The following MARCHF1 variants were observed in gnomAD, a reference collection of about 807,000 sequenced individuals.
MARCHF1 encodes E3 ubiquitin-protein ligase MARCHF1.
MARCHF1 carries 40 observed loss-of-function variants against 54.2 expected under a neutral mutation model. That is an observed-to-expected ratio of 0.74 (90% CI 0.57 to 0.96). The LOEUF (loss-of-function observed/expected upper bound fraction) is 0.96. Ranked by LOEUF, MARCHF1 falls within the 40% of genes least tolerant of loss-of-function variation. The probability of loss-of-function intolerance (pLI) is 0.00; values close to 1 mark genes in which losing one functional copy is unlikely to be tolerated. For synonymous variants in MARCHF1, 236 were observed against 236.3 expected (o/e 1.00, Z 0.01); for missense variants, 586 against 656.5 (o/e 0.89, Z 1.17).
At chr4:164,084,383 T>C (rs1256582739) in intron 2 of MARCHF1, among the ~76,000 whole-genome samples, 1 of 151,916 alleles carries the variant, frequency 6.6e-6, no homozygotes, top group Non-Finnish European at 1.5e-5. Context: ...TAAATAGAAT[T>C]GCATTTTCAT....
chr4:163,724,791 G>A (rs922198220), intron 4 of MARCHF1, among the ~76,000 whole-genome samples: 5 of 152,158 alleles, frequency 3.3e-5, no homozygotes, highest in African/African-American at 1.2e-4. Flanking sequence ...ATCCGCGGGC[G>A]TGGGACCCTC....
intron 1 of MARCHF1, among the ~76,000 whole-genome samples, chr4:164,206,934 TA>T (rs1431467579): frequency 6.6e-6 from 1 of 152,018 alleles, no homozygotes; most frequent in African/African-American, 2.4e-5. Context: ...ATGATAATAC[TA>T]AAAAAATTGT....
chr4:164,101,012 G>T (rs531193217), intron 2 of MARCHF1, among the ~76,000 whole-genome samples: 1 of 152,324 alleles, frequency 6.6e-6, no homozygotes, highest in South Asian at 2.1e-4. Context: ...GACTGCACCT[G>T]GAAAATCAGG....
At chr4:164,002,863 C>A (rs1259625052) in intron 2 of MARCHF1, among the ~76,000 whole-genome samples, 2 of 151,792 alleles carry the variant, frequency 1.3e-5, no homozygotes, top group Non-Finnish European at 2.9e-5. Context: ...AAGAATCCTA[C>A]CAACTTATCT....
intron 5 of MARCHF1, among the ~76,000 whole-genome samples, chr4:163,629,127 G>A (rs1183532842): frequency 1.3e-5 from 2 of 152,106 alleles, no homozygotes; most frequent in African/African-American, 2.4e-5. Context: ...GAACAAAGCT[G>A]GAGGCATCAT....
rs187017104 is a variant in MARCHF1 at position 164,130,408 on chromosome 4, G to T, written c.-322-18746C>A. ...TTCTGAAGAAAGGACAGATTATTCA[G>T]AAAGCAGTTTACTGTTCCCTTTTTC... On this transcript the variant is annotated intron_variant, in intron 1 of 9. Transcript: ENST00000514618. 9.7e-4 allele frequency among the ~76,000 whole-genome samples: 148 copies of T among 152,228 alleles called. 3 individuals carry two copies. In the East Asian group the frequency reaches 0.026, roughly 27 times the overall value.
intron 3 of MARCHF1, among the ~76,000 whole-genome samples, chr4:163,881,476 GA>G (rs58279371): frequency 0.21 from 30,550 of 147,632 alleles, 3,297 homozygotes; most frequent in South Asian, 0.31. Flanking sequence ...CATCTCAAAA[GA>G]AAAAAAAAAA....
chr4:164,214,976 C>G (rs1300750129), intron 1 of MARCHF1, among the ~76,000 whole-genome samples: 1 of 152,150 alleles, frequency 6.6e-6, no homozygotes, highest in Non-Finnish European at 1.5e-5. Context: ...TCTGACCCCA[C>G]GGCAGTGTCT....
intron 1 of MARCHF1, among the ~76,000 whole-genome samples, chr4:164,206,300 G>A (rs965153505): frequency 1.3e-5 from 2 of 152,066 alleles, no homozygotes; most frequent in African/African-American, 4.8e-5. Flanking sequence ...AGCCGGGCAC[G>A]ATAGCAGTTG....
chr4:164,012,868 C>T (rs1753453380), intron 2 of MARCHF1, among the ~76,000 whole-genome samples: 1 of 152,170 alleles, frequency 6.6e-6, no homozygotes. Flanking sequence ...TGACCACAGG[C>T]TTTGGTCACA....
chr4:163,550,425 A>G (rs1269540196), intron 8 of MARCHF1, among the ~76,000 whole-genome samples: 3 of 151,918 alleles, frequency 2.0e-5, no homozygotes, highest in Non-Finnish European at 2.9e-5. Context: ...CACGTGACCT[A>G]GAGTTTTCAA....
chr4:163,709,115 G>A (rs892713922), intron 4 of MARCHF1, among the ~76,000 whole-genome samples: 2 of 152,130 alleles, frequency 1.3e-5, no homozygotes, highest in Non-Finnish European at 2.9e-5. Context: ...CATATTTACA[G>A]ATGTATGTTT....
intron 1 of MARCHF1, among the ~76,000 whole-genome samples, chr4:164,137,020 C>A (rs941346125): frequency 3.3e-5 from 5 of 152,048 alleles, no homozygotes; most frequent in Non-Finnish European, 7.4e-5. Context: ...TTTTGTTAGG[C>A]CCCAAAGGAT....
chr4:164,305,138 T>C (rs72989598), intron 1 of MARCHF1, among the ~76,000 whole-genome samples: 14,009 of 152,128 alleles, frequency 0.092, 1,554 homozygotes, highest in African/African-American at 0.26. Context: ...TCAGACACCA[T>C]ACTAGTACTG....
chr4:164,268,231 G>A lies in MARCHF1; in HGVS notation c.-323+115639C>T, dbSNP rs550172044. ...TTAAGGAATCAAAACTATGAGTAAA[G>A]ACCAAGACAATTGTGCTGGATGGCC... On this transcript the variant is annotated intron_variant, in intron 1 of 9. Transcript: ENST00000514618. Among the ~76,000 whole-genome samples, 316 of 152,174 alleles carry A rather than the reference G, an allele frequency of 2.1e-3. 1 individual carries two copies. Among genetic ancestry groups the A allele is most frequent in the African/African-American group, 7.2e-3 (298 of 41,512 alleles).
chr4:164,100,521 T>A (rs1158729171), intron 2 of MARCHF1, among the ~76,000 whole-genome samples: 1 of 152,240 alleles, frequency 6.6e-6, no homozygotes, highest in African/African-American at 2.4e-5. Flanking sequence ...TAAATAAGAA[T>A]ATGTGTTGCC....
intron 4 of MARCHF1, among the ~76,000 whole-genome samples, chr4:163,816,593 C>T (rs572917558): frequency 5.9e-5 from 9 of 152,042 alleles, no homozygotes; most frequent in Admixed American, 2.0e-4. Context: ...TCAGCCAGGA[C>T]TATGCATCAG....
intron 2 of MARCHF1, among the ~76,000 whole-genome samples, chr4:164,068,805 C>A (rs1754788549): frequency 6.6e-6 from 1 of 152,206 alleles, no homozygotes; most frequent in Admixed American, 6.5e-5. Context: ...CTGGGTGAAG[C>A]CAGCTGGGCC....
chr4:163,733,209 ATATATATATATACACGTG>A (rs1196471229), intron 4 of MARCHF1, among the ~76,000 whole-genome samples: 413 of 35,668 alleles, frequency 0.012, 5 homozygotes, highest in Non-Finnish European at 0.022. Flanking sequence ...ATATATATAT[ATATATATATATACACGTG>A]TATATATATA....
Sources: allele counts gnomAD v4.1 joint callset (sites outside exome capture counted in the v4.1 genomes callset), GRCh38; gene constraint gnomAD v4.1.1; transcripts MANE v1.5; gene names NCBI Gene and HGNC (gene_info 2026-07-23, HGNC 2026-07-21).